NINJ2: variants seen among roughly 807,000 people sequenced by gnomAD.
NINJ2 encodes the protein ninjurin 2.
A neutral mutation model predicts 11.7 loss-of-function variants in NINJ2; 12 were observed. The observed-to-expected ratio is 1.02, with a 90% CI of 0.66 to 1.66. The LOEUF (loss-of-function observed/expected upper bound fraction) is 1.66, where lower values mean the gene tolerates loss of function less well. NINJ2 is among the 40% of genes most tolerant of loss of function. The pLI is 0.00. For synonymous variants in NINJ2, 93 were observed against 76.8 expected (o/e 1.21, Z -1.10); for missense variants, 187 against 181.8 (o/e 1.03, Z -0.16).
intron 1 of NINJ2, among the ~76,000 whole-genome samples, chr12:598,420 C>A (rs1947819095): frequency 6.6e-6 from 1 of 152,160 alleles, no homozygotes; most frequent in African/African-American, 2.4e-5. Flanking sequence ...AGAGGGCTGC[C>A]CGAGCTTGCC....
intron 1 of NINJ2, among the ~76,000 whole-genome samples, chr12:629,896 A>AAAAAAAAAAAATATATATATATAT: frequency 1.0e-4 from 1 of 9,904 alleles, no homozygotes; most frequent in African/African-American, 1.5e-4. Flanking sequence ...AAAAAAAAAA[A>AAAAAAAAAAAATATATATATATAT]ATATATATAT....
chr12:572,002 G>C (rs1173391177), intron 1 of NINJ2, among the ~76,000 whole-genome samples: 1 of 152,216 alleles, frequency 6.6e-6, no homozygotes, highest in Non-Finnish European at 1.5e-5. Context: ...GAGGGGAGTT[G>C]TAGCAGCCCA....
At chr12:611,297 T>C (rs931739336) in intron 1 of NINJ2, among the ~76,000 whole-genome samples, 2 of 148,934 alleles carry the variant, frequency 1.3e-5, no homozygotes, top group African/African-American at 5.0e-5. Flanking sequence ...TTCTCTTCCT[T>C]CCTTCCTTTC....
At chr12:584,837 A>G (rs1172936072) in intron 1 of NINJ2, among the ~76,000 whole-genome samples, 1 of 151,028 alleles carries the variant, frequency 6.6e-6, no homozygotes, top group African/African-American at 2.4e-5. Flanking sequence ...TTTAATTAAA[A>G]ATAAAAGCAG....
intron 1 of NINJ2, among the ~76,000 whole-genome samples, chr12:646,253 T>G (rs1937679031): frequency 6.6e-6 from 1 of 152,190 alleles, no homozygotes; most frequent in Admixed American, 6.5e-5. Flanking sequence ...GGATATTTTT[T>G]TCTCCTACGC....
At chr12:661,015 C>T (rs1937950788) in intron 1 of NINJ2, among the ~76,000 whole-genome samples, 3 of 152,158 alleles carry the variant, frequency 2.0e-5, no homozygotes, top group Non-Finnish European at 4.4e-5. Context: ...CATTGATGTA[C>T]CTTTACCACC....
At chr12:603,514 C>T (rs983308904) in intron 1 of NINJ2, among the ~76,000 whole-genome samples, 3 of 152,078 alleles carry the variant, frequency 2.0e-5, no homozygotes, top group Non-Finnish European at 4.4e-5. Flanking sequence ...ACATTTTGTT[C>T]TAAGAATTTT....
At position 628,391 on chromosome 12, in the gene NINJ2, C is replaced by T. The variant is rs551456101; in HGVS notation, c.33+34937G>A. On this transcript the variant is annotated intron_variant, in intron 1 of 3. Transcript: ENST00000305108. The surrounding 1 kb of genome is among the most constrained non-coding windows in gnomAD (Gnocchi z 4.4). ...TCCGTTCTTCTGCGTCTCCTCACAG[C>T]GTCACCTACAAGGGTCTGGCACACA... 1.3e-5 allele frequency among the ~76,000 whole-genome samples: 2 copies of T among 152,116 alleles called. No individual in the cohort carries two copies. The highest frequency in any genetic ancestry group is 6.5e-5 in the Admixed American group (1 of 15,280).
chr12:584,291 G>A (rs1486042348), intron 1 of NINJ2, among the ~76,000 whole-genome samples: 1 of 152,196 alleles, frequency 6.6e-6, no homozygotes, highest in African/African-American at 2.4e-5. Flanking sequence ...TTTAATCCCA[G>A]CACTTAGGGA....
chr12:588,537 T>C (rs955059956), intron 1 of NINJ2, among the ~76,000 whole-genome samples: 10 of 152,194 alleles, frequency 6.6e-5, no homozygotes, highest in Admixed American at 2.0e-4. Flanking sequence ...ACTGTCCTTA[T>C]CTAAGGGACT....
At chr12:601,905 A>G (rs1283663347) in intron 1 of NINJ2, among the ~76,000 whole-genome samples, 4 of 152,200 alleles carry the variant, frequency 2.6e-5, no homozygotes, top group African/African-American at 9.7e-5. Flanking sequence ...AAATAAAATG[A>G]TTTCCATGGG....
chr12:567,318 C>T (rs2369283), intron 1 of NINJ2, among the ~76,000 whole-genome samples: 2 of 151,506 alleles, frequency 1.3e-5, no homozygotes, highest in Non-Finnish European at 2.9e-5. Flanking sequence ...ATACCTGCTG[C>T]GTGGGGACAG....
chr12:628,038 C>A lies in NINJ2; in HGVS notation c.33+35290G>T, dbSNP rs1470291363. Among the ~76,000 whole-genome samples the A allele has an allele frequency of 6.6e-6, 1 of 152,226 alleles. No individual in the cohort carries two copies. Among genetic ancestry groups the A allele is most frequent in the East Asian group, 1.9e-4 (1 of 5,174 alleles). On this transcript the variant is annotated intron_variant, in intron 1 of 3. Coordinates refer to ENST00000305108, the MANE Select transcript of NINJ2 (RefSeq NM_016533.6). The surrounding 1 kb of genome is among the most constrained non-coding windows in gnomAD (Gnocchi z 4.4). ...CTGCCCCCGGCTCCTCTTTCACACC[C>A]TGTGCCAGACAGAAGGCCTGGGAGT...
At chr12:600,799 G>A (rs898611756) in intron 1 of NINJ2, among the ~76,000 whole-genome samples, 1 of 151,648 alleles carries the variant, frequency 6.6e-6, no homozygotes, top group Non-Finnish European at 1.5e-5. Flanking sequence ...CTCCCACCTC[G>A]GCCTCCAAAA....
At chr12:659,555 G>C in intron 1 of NINJ2, among the ~76,000 whole-genome samples, 1 of 152,190 alleles carries the variant, frequency 6.6e-6, no homozygotes, top group African/African-American at 2.4e-5. Flanking sequence ...AAGGGCAGAG[G>C]CTTGGAGGCC....
chr12:649,775 A>G (rs1592118241), intron 1 of NINJ2, among the ~76,000 whole-genome samples: 2 of 151,970 alleles, frequency 1.3e-5, no homozygotes, highest in Non-Finnish European at 1.5e-5. Context: ...ATTTTTTCCA[A>G]TAGTTTTCCT....
chr12:662,835 G>A (rs549931362), intron 1 of NINJ2, among the ~76,000 whole-genome samples: 1 of 152,314 alleles, frequency 6.6e-6, no homozygotes, highest in African/African-American at 2.4e-5. Flanking sequence ...CAAATGAGAC[G>A]CTTTCTGTCC....
In NINJ2 at chr12:566,240, G is replaced by A. The variant is rs554402763; in HGVS notation, c.34-62C>T. ...TCTGGAAGGGAAGCAGTTGAGAGGTGGGAGAGAGGAGAGAGGTTTTAAAGC... is the reference window on the plus strand; with the variant it reads ...TCTGGAAGGGAAGCAGTTGAGAGGTAGGAGAGAGGAGAGAGGTTTTAAAGC... On this transcript the variant is annotated intron_variant, in intron 1 of 3. Transcript: ENST00000305108. The A allele has an allele frequency of 1.3e-5, 18 of 1,380,422 alleles. 1 individual carries two copies. The South Asian group carries it at 2.2e-4, about 17-fold the overall frequency. 85.5% of individuals were successfully genotyped at this position (1,380,422 alleles called of 1,614,324 possible). A position where few individuals can be genotyped will look rare whatever the true frequency, so the allele number is the denominator to read the frequency against.
At chr12:590,349 G>C (rs993835360) in intron 1 of NINJ2, among the ~76,000 whole-genome samples, 1 of 152,202 alleles carries the variant, frequency 6.6e-6, no homozygotes, top group African/African-American at 2.4e-5. Flanking sequence ...CCAAGAGAGG[G>C]TGAGGAAACA....
Sources: gnomAD v4.1 joint callset for allele counts (sites outside exome capture counted in the v4.1 genomes callset) on GRCh38, gnomAD v4.1.1 for gene constraint, Gnocchi (gnomAD v3.1) non-coding constraint, MANE v1.5 for transcripts, NCBI Gene and HGNC (gene_info 2026-07-23, HGNC 2026-07-21) for gene names.